Variants in NEO1 observed in about 807,000 individuals in gnomAD.
The protein encoded by NEO1 is neogenin.
Under a neutral mutation model 159.7 loss-of-function variants are expected in NEO1, and 63 were observed. That is an observed-to-expected ratio of 0.39 (90% CI 0.32 to 0.49). The LOEUF is 0.49. NEO1 is among the 20% of genes least tolerant of loss of function. The pLI is 0.85. For synonymous variants in NEO1, 633 were observed against 662.0 expected (o/e 0.96, Z 0.67); for missense variants, 1,615 against 1,831.0 (o/e 0.88, Z 2.15).
chr15:73,247,049 C>A (rs1229800342), intron 9 of NEO1, among the ~76,000 whole-genome samples: 1 of 152,112 alleles, frequency 6.6e-6, no homozygotes, highest in African/African-American at 2.4e-5. Context: ...GCAGCATAAC[C>A]ATTTATTCAA....
At chr15:73,290,548 A>C (rs1207427191) in intron 25 of NEO1, among the ~76,000 whole-genome samples, 1 of 152,128 alleles carries the variant, frequency 6.6e-6, no homozygotes, top group African/African-American at 2.4e-5. Flanking sequence ...GGAATTTTTT[A>C]AACAACATTT....
intron 18 of NEO1, 96 bp from the exon 19 acceptor site, chr15:73,272,359 G>A (rs554660979): frequency 5.1e-6 from 4 of 785,418 alleles, no homozygotes; most frequent in East Asian, 2.7e-5. Context: ...TTTTTGCCTT[G>A]TGCCCTTTAT....
At chr15:73,152,801 A>G (rs1453450317) in intron 5 of NEO1, among the ~76,000 whole-genome samples, 1 of 152,000 alleles carries the variant, frequency 6.6e-6, no homozygotes, top group Non-Finnish European at 1.5e-5. Context: ...TGTGGGGGGG[A>G]AACTCCCACA....
At chr15:73,260,172 C>T in intron 14 of NEO1, 99 bp from the exon 15 acceptor site, 1 of 1,123,734 alleles carries the variant, frequency 8.9e-7, no homozygotes, top group Non-Finnish European at 1.3e-6. Flanking sequence ...AACTTAGCCC[C>T]AAACAGTGTG....
In NEO1 at chr15:73,207,159, G is replaced by C. The variant is rs145081160; in HGVS notation, c.1291+28732G>C. ...TTAATGAATAGATTTGTTACTATTAGTAGTGGTAAGTTAATATTAATTGAG... is the reference window on the plus strand; with the variant it reads ...TTAATGAATAGATTTGTTACTATTACTAGTGGTAAGTTAATATTAATTGAG... On this transcript the variant is annotated intron_variant, in intron 7 of 28. Transcript: ENST00000261908. Among the ~76,000 whole-genome samples, 454 of 152,276 alleles carry C rather than the reference G, an allele frequency of 3.0e-3. 2 individuals are homozygous for C. Among genetic ancestry groups the C allele is most frequent in the African/African-American group, 0.011 (437 of 41,546 alleles).
At chr15:73,269,343 G>C (rs188514671) in intron 16 of NEO1, among the ~76,000 whole-genome samples, 4 of 151,974 alleles carry the variant, frequency 2.6e-5, no homozygotes, top group Non-Finnish European at 5.9e-5. Context: ...TTTTGTCTTC[G>C]TGAGCCTTTT....
intron 2 of NEO1, among the ~76,000 whole-genome samples, chr15:73,117,900 G>T (rs2071414078): frequency 6.7e-6 from 1 of 148,836 alleles, no homozygotes; most frequent in African/African-American, 2.5e-5. Flanking sequence ...TCCCTTCCTT[G>T]CTTCCTTCTT....
intron 5 of NEO1, among the ~76,000 whole-genome samples, chr15:73,155,329 C>G (rs553613442): frequency 6.6e-6 from 1 of 152,236 alleles, no homozygotes; most frequent in East Asian, 1.9e-4. Context: ...AACTGTTAGT[C>G]TGATGGGGTT....
chr15:73,055,005 G>C (rs1177898688), intron 1 of NEO1, among the ~76,000 whole-genome samples: 2 of 152,082 alleles, frequency 1.3e-5, no homozygotes, highest in African/African-American at 4.8e-5. Context: ...TAGAGATGTG[G>C]GACAATAGGA....
chr15:73,289,949 C>CA (rs1032066776), intron 25 of NEO1, among the ~76,000 whole-genome samples: 71 of 150,124 alleles, frequency 4.7e-4, no homozygotes, highest in African/African-American at 1.7e-3. Flanking sequence ...GACTCTGTCT[C>CA]AAAAAAAATA....
intron 6 of NEO1, among the ~76,000 whole-genome samples, chr15:73,177,475 G>A (rs2035345438): frequency 6.6e-6 from 1 of 152,074 alleles, no homozygotes; most frequent in Non-Finnish European, 1.5e-5. Context: ...AGTTAAAATA[G>A]CCTCTTAAAA....
chr15:73,093,111 G>T (rs1034650833), intron 1 of NEO1, among the ~76,000 whole-genome samples: 2 of 152,162 alleles, frequency 1.3e-5, no homozygotes, highest in African/African-American at 4.8e-5. Context: ...GTTAGGATTT[G>T]TCTGATGTTT....
chr15:73,149,295 C>A (rs1187925898), intron 5 of NEO1, among the ~76,000 whole-genome samples: 3 of 148,208 alleles, frequency 2.0e-5, no homozygotes, highest in African/African-American at 7.6e-5. Context: ...AGCCTGGCGA[C>A]AGAGTAAGAC....
chr15:73,065,259 A>G (rs2068158483), intron 1 of NEO1, among the ~76,000 whole-genome samples: 2 of 150,756 alleles, frequency 1.3e-5, no homozygotes, highest in African/African-American at 4.9e-5. Context: ...TAATTTATTC[A>G]TTTAGATTTA....
chr15:73,227,903 TC>T (rs2038681975), intron 7 of NEO1, among the ~76,000 whole-genome samples: 1 of 152,202 alleles, frequency 6.6e-6, no homozygotes, highest in Non-Finnish European at 1.5e-5. Flanking sequence ...TTGAACACTG[TC>T]CTGAGATGTT....
At chr15:73,248,393 T>C (rs1478928927) in intron 9 of NEO1, among the ~76,000 whole-genome samples, 1 of 152,204 alleles carries the variant, frequency 6.6e-6, no homozygotes, top group East Asian at 1.9e-4. Context: ...GACTAGTCAT[T>C]GTTTTCAACA....
intron 1 of NEO1, among the ~76,000 whole-genome samples, chr15:73,090,424 C>T (rs2069623540): frequency 6.6e-6 from 1 of 152,090 alleles, no homozygotes; most frequent in Non-Finnish European, 1.5e-5. Context: ...GAATGAGAGA[C>T]AGGAGTTAAA....
At chr15:73,258,234 A>G (rs2040458783) in intron 13 of NEO1, among the ~76,000 whole-genome samples, 1 of 152,206 alleles carries the variant, frequency 6.6e-6, no homozygotes, top group African/African-American at 2.4e-5. Context: ...TATATGAGCA[A>G]TTGGTTGTTA....
intron 9 of NEO1, among the ~76,000 whole-genome samples, chr15:73,247,216 A>G (rs1359922434): frequency 4.6e-5 from 7 of 152,200 alleles, no homozygotes; most frequent in Non-Finnish European, 8.8e-5. Flanking sequence ...GGAGGTGTTC[A>G]GCTTGTGTGG....
Sources: allele counts gnomAD v4.1 joint callset (sites outside exome capture counted in the v4.1 genomes callset), GRCh38; gene constraint gnomAD v4.1.1; transcripts MANE v1.5; gene names NCBI Gene and HGNC (gene_info 2026-07-23, HGNC 2026-07-21).